The following BFSP2 variants were observed in gnomAD, a reference collection of about 807,000 sequenced individuals.
The protein encoded by BFSP2 is beaded filament structural protein 2, also known as phakinin.
BFSP2 carries 38 observed loss-of-function variants against 44.9 expected under a neutral mutation model. The ratio of observed to expected loss-of-function variants is 0.85; its 90% CI spans 0.65 to 1.11. The LOEUF is 1.11. BFSP2 is among the 50% of genes least tolerant of loss of function. The pLI is 0.00. For missense variants in BFSP2, 525 were observed against 533.0 expected (o/e 0.99, Z 0.15); for synonymous variants, 197 against 209.9 (o/e 0.94, Z 0.53).
chr3:133,419,686 T>C lies in BFSP2; in HGVS notation c.489+19114T>C, dbSNP rs2073575453. On this transcript the variant is annotated intron_variant, in intron 1 of 6. Transcript: ENST00000302334. ...AACTAACTGCTTTAACCAGGACGCATGAGGCTGGGCGGCTTCCGACCCATC... is the reference window on the plus strand; with the variant it reads ...AACTAACTGCTTTAACCAGGACGCACGAGGCTGGGCGGCTTCCGACCCATC... Among the ~76,000 whole-genome samples, 3 of 152,228 alleles carry C rather than the reference T, an allele frequency of 2.0e-5. No individual in the cohort carries two copies. In the East Asian group the frequency reaches 5.8e-4, roughly 29 times the overall value.
chr3:133,437,350 C>T (rs573743881), intron 1 of BFSP2, among the ~76,000 whole-genome samples: 1 of 151,956 alleles, frequency 6.6e-6, no homozygotes, highest in Non-Finnish European at 1.5e-5. Flanking sequence ...ATGGAGAAAC[C>T]CTGTCTCTAC....
intron 1 of BFSP2, among the ~76,000 whole-genome samples, chr3:133,442,491 C>T (rs1333254370): frequency 6.6e-6 from 1 of 151,898 alleles, no homozygotes; most frequent in African/African-American, 2.4e-5. Context: ...ATCAGAGTGA[C>T]ATGATATGAT....
chr3:133,422,740 A>G (rs1263886292), intron 1 of BFSP2, among the ~76,000 whole-genome samples: 1 of 55,204 alleles, frequency 1.8e-5, no homozygotes, highest in Admixed American at 1.8e-4. Flanking sequence ...ATGAAGCAGC[A>G]GTTATATTAC....
intron 1 of BFSP2, among the ~76,000 whole-genome samples, chr3:133,425,147 C>T (rs2073632009): frequency 1.3e-5 from 2 of 152,168 alleles, no homozygotes; most frequent in Admixed American, 6.5e-5. Context: ...TACTATAAGG[C>T]TGGCACAGGT....
intron 1 of BFSP2, among the ~76,000 whole-genome samples, chr3:133,425,427 TC>T (rs2073634330): frequency 6.6e-6 from 1 of 152,164 alleles, no homozygotes; most frequent in Non-Finnish European, 1.5e-5. Flanking sequence ...TAGGGCCCTC[TC>T]CCAAGATCCC....
Position 133,441,750 on chromosome 3 carries a change from G to A in BFSP2, c.490-5567G>A, listed in dbSNP as rs147321922. 3.9e-3 allele frequency among the ~76,000 whole-genome samples: 599 copies of A among 152,244 alleles called. 5 individuals are homozygous for A. The highest frequency in any genetic ancestry group is 0.014 in the African/African-American group (564 of 41,530). ...GAAAGGCAGTGCCTGACTTCCAGGA[G>A]GTTATATTCTAGCAGAAAATACAGA... On this transcript the variant is annotated intron_variant, in intron 1 of 6. Coordinates refer to ENST00000302334, the MANE Select transcript of BFSP2 (RefSeq NM_003571.4).
At chr3:133,431,450 A>G (rs1020556798) in intron 1 of BFSP2, among the ~76,000 whole-genome samples, 13 of 152,104 alleles carry the variant, frequency 8.5e-5, no homozygotes, top group African/African-American at 2.4e-4. Context: ...CCCGCAGCCC[A>G]GGATTCCTCC....
Position 133,447,230 on chromosome 3 carries a change from G to A in BFSP2, c.490-87G>A, listed in dbSNP as rs180902535. 1.3e-5 allele frequency: 18 copies of A among 1,387,356 alleles called. No homozygotes were observed. The East Asian group carries it at 2.8e-4, about 21-fold the overall frequency. 85.9% of individuals were successfully genotyped at this position (1,387,356 alleles called of 1,614,324 possible). On this transcript the variant is annotated intron_variant, in intron 1 of 6. Coordinates refer to ENST00000302334, the MANE Select transcript of BFSP2 (RefSeq NM_003571.4). ...GAAAGGTTCTCTGAGGTCCCCCAGA[G>A]CCTCTGTGCCTAACACAAGTCATGG...
intron 1 of BFSP2, among the ~76,000 whole-genome samples, chr3:133,421,383 C>T (rs11712866): frequency 0.49 from 74,644 of 152,154 alleles, 20,596 homozygotes; most frequent in East Asian, 0.83. Flanking sequence ...GGGAGAGAAT[C>T]GGTCCCAGGC....
In BFSP2 at chr3:133,400,721, G is replaced by A. The variant is rs2073356488; in HGVS notation, c.489+149G>A. The A allele has an allele frequency of 7.5e-7, 1 of 1,334,502 alleles. No homozygotes were observed. The highest frequency in any genetic ancestry group is 1.5e-5 in the African/African-American group (1 of 68,270). The allele number at this position is 1,334,502 out of a possible 1,614,324, so 82.7% of individuals were successfully genotyped here. A position where few individuals can be genotyped will look rare whatever the true frequency, so the allele number is the denominator to read the frequency against. On this transcript the variant is annotated intron_variant, in intron 1 of 6. Transcript: ENST00000302334. The surrounding 1 kb of genome is among the most constrained non-coding windows in gnomAD (Gnocchi z 4.0). ...TTAAAATGGTAATGATAACAACAAT[G>A]CTACCTTTTACCGAGGTTTACTAGG... is the stretch of plus-strand genomic sequence containing the variant.
chr3:133,423,768 TC>T (rs2107896276), intron 1 of BFSP2, among the ~76,000 whole-genome samples: 1 of 152,208 alleles, frequency 6.6e-6, no homozygotes, highest in South Asian at 2.1e-4. Context: ...TGCTGGCTGC[TC>T]TAGGAACTGT....
intron 1 of BFSP2, among the ~76,000 whole-genome samples, chr3:133,436,431 T>G (rs2073782469): frequency 1.3e-5 from 2 of 152,110 alleles, no homozygotes; most frequent in African/African-American, 4.8e-5. Context: ...TATGACTTTT[T>G]CTGTTGATAG....
intron 4 of BFSP2, among the ~76,000 whole-genome samples, chr3:133,462,412 C>T (rs988929603): frequency 3.9e-5 from 6 of 152,170 alleles, no homozygotes; most frequent in South Asian, 2.1e-4. Flanking sequence ...GTAAATATCA[C>T]GGAAGCTGCT....
At chr3:133,432,113 T>C (rs1308993633) in intron 1 of BFSP2, among the ~76,000 whole-genome samples, 1 of 152,076 alleles carries the variant, frequency 6.6e-6, no homozygotes, top group Non-Finnish European at 1.5e-5. Flanking sequence ...CAATGTCCCA[T>C]CCCACAGCAC....
intron 1 of BFSP2, among the ~76,000 whole-genome samples, chr3:133,409,009 A>G (rs1326432730): frequency 6.6e-6 from 1 of 152,248 alleles, no homozygotes; most frequent in Non-Finnish European, 1.5e-5. Context: ...CAGAAAGCCA[A>G]TTCTAAGAAT....
chr3:133,472,427 G>T lies in BFSP2; in HGVS notation c.1106G>T (p.Arg369Leu). Residue 369 changes from arginine to leucine, a missense_variant, in exon 6 of 7, where the codon CGG becomes CTG. Physicochemically the swap from Arg to Leu is moderately radical, Grantham distance 102. Coordinates refer to ENST00000302334, the MANE Select transcript of BFSP2 (RefSeq NM_003571.4). ...CAGAACCTGGGCGCTGTGGTCGGCC[G>T]GCTGGAGGCGGAGCTCAGGGAAATC... ...ELQNLGAVVG[R>L]LEAELREIRA... is the part of the protein sequence containing the mutation. The T allele has an allele frequency of 6.2e-7, 1 of 1,614,138 alleles. No homozygotes were observed.
intron 5 of BFSP2, among the ~76,000 whole-genome samples, chr3:133,470,772 G>A (rs931527662): frequency 2.6e-5 from 4 of 152,200 alleles, no homozygotes; most frequent in African/African-American, 7.2e-5. Context: ...ACCATCTGGT[G>A]GAAAAGACGT....
At chr3:133,457,028 T>C (rs1377610404) in intron 4 of BFSP2, among the ~76,000 whole-genome samples, 3 of 152,250 alleles carry the variant, frequency 2.0e-5, no homozygotes, top group Non-Finnish European at 4.4e-5. Flanking sequence ...TTCTAAGATA[T>C]ATGAAGCTGA....
At chr3:133,454,321 A>G (rs557089815) in intron 4 of BFSP2, among the ~76,000 whole-genome samples, 1 of 152,240 alleles carries the variant, frequency 6.6e-6, no homozygotes, top group East Asian at 1.9e-4. Flanking sequence ...ACATGGTGAG[A>G]CCCCATCTCT....
Sources: allele counts gnomAD v4.1 joint callset (sites outside exome capture counted in the v4.1 genomes callset), GRCh38; gene constraint gnomAD v4.1.1; non-coding constraint Gnocchi (gnomAD v3.1); transcripts MANE v1.5; gene names NCBI Gene and HGNC (gene_info 2026-07-23, HGNC 2026-07-21).